OTUD7A: variants seen among roughly 807,000 people sequenced by gnomAD.
The protein encoded by OTUD7A is OTU deubiquitinase 7A.
OTUD7A carries 12 observed loss-of-function variants against 65.7 expected under a neutral mutation model. The ratio of observed to expected loss-of-function variants is 0.18; its 90% CI spans 0.12 to 0.30. The LOEUF (loss-of-function observed/expected upper bound fraction) is 0.30, where lower values mean the gene tolerates loss of function less well. Ranked by LOEUF, OTUD7A falls within the 10% of genes least tolerant of loss-of-function variation. The probability of loss-of-function intolerance (pLI) is 1.00; values close to 1 mark genes in which losing one functional copy is unlikely to be tolerated. For missense variants in OTUD7A, 1,148 were observed against 1,304.8 expected (o/e 0.88, Z 1.85); for synonymous variants, 641 against 586.3 (o/e 1.09, Z -1.35).
intron 5 of OTUD7A, among the ~76,000 whole-genome samples, chr15:31,542,418 G>C (rs1466668961): frequency 1.2e-4 from 18 of 152,022 alleles, no homozygotes. Flanking sequence ...TTTAATATCA[G>C]GTTGGACACT....
At chr15:31,489,963 G>T (rs1595553559) in intron 10 of OTUD7A, among the ~76,000 whole-genome samples, 4 of 152,362 alleles carry the variant, frequency 2.6e-5, no homozygotes, top group African/African-American at 9.6e-5. Flanking sequence ...GTACTGAGAG[G>T]CTCTACGGAC....
intron 1 of OTUD7A, among the ~76,000 whole-genome samples, chr15:31,763,058 G>A (rs978047702): frequency 2.6e-5 from 4 of 152,150 alleles, no homozygotes; most frequent in African/African-American, 4.8e-5. Flanking sequence ...TGAGGCAGGC[G>A]GATCACCTGA....
intron 3 of OTUD7A, among the ~76,000 whole-genome samples, chr15:31,639,424 T>C (rs35342826): frequency 0.24 from 33,258 of 136,846 alleles, 5,102 homozygotes; most frequent in African/African-American, 0.41. Context: ...CTGTGATGGG[T>C]ATTTAGGTTG....
At position 31,564,387 on chromosome 15, in the gene OTUD7A, G is replaced by GTTT. The variant is rs398026753; in HGVS notation, c.332-5203_332-5201dup. On this transcript the variant is annotated intron_variant, in intron 4 of 12. Transcript: ENST00000307050. Reference sequence around the variant, plus strand: ...TTTTTGGAAGTAGTCTTTGAGGAAGGTTTTTTTTTTTTTAGCAAAAGAGAA... The same window carrying GTTT: ...TTTTTGGAAGTAGTCTTTGAGGAAGGTTTTTTTTTTTTTTTTAGCAAAAGAGAA... Among the ~76,000 whole-genome samples the GTTT allele has an allele frequency of 6.7e-5, 8 of 119,926 alleles. 1 individual carries two copies. Among genetic ancestry groups the GTTT allele is most frequent in the East Asian group, 5.2e-4 (2 of 3,850 alleles). 78.7% of individuals were successfully genotyped at this position (119,926 alleles called of 152,430 possible). A position where few individuals can be genotyped will look rare whatever the true frequency, so the allele number is the denominator to read the frequency against.
At chr15:31,764,985 T>C (rs146881168) in intron 1 of OTUD7A, among the ~76,000 whole-genome samples, 1,690 of 152,310 alleles carry the variant, frequency 0.011, 12 homozygotes, top group South Asian at 0.019. Context: ...GAAGAGATTA[T>C]ATGTTTTATT....
At chr15:31,493,913 C>G (rs1189855596) in intron 10 of OTUD7A, among the ~76,000 whole-genome samples, 2 of 152,162 alleles carry the variant, frequency 1.3e-5, no homozygotes, top group Non-Finnish European at 2.9e-5. Context: ...AAAACAGTCT[C>G]AAATTAGTAA....
At chr15:31,577,929 C>G (rs1432295923) in intron 3 of OTUD7A, among the ~76,000 whole-genome samples, 1 of 151,888 alleles carries the variant, frequency 6.6e-6, no homozygotes, top group East Asian at 1.9e-4. Context: ...CAGAGAAACT[C>G]TGAAAAGTAA....
chr15:31,513,839 A>G (rs1595572476), intron 8 of OTUD7A, among the ~76,000 whole-genome samples: 2 of 152,172 alleles, frequency 1.3e-5, no homozygotes, highest in Non-Finnish European at 1.5e-5. Context: ...ACTTGAACCT[A>G]TGCAAATACT....
chr15:31,585,242 T>C (rs1023889186), intron 3 of OTUD7A, among the ~76,000 whole-genome samples: 2 of 152,226 alleles, frequency 1.3e-5, no homozygotes, highest in African/African-American at 4.8e-5. Context: ...CATTCTCCTC[T>C]GCGTAATTTG....
intron 4 of OTUD7A, among the ~76,000 whole-genome samples, chr15:31,564,253 G>T (rs2141165013): frequency 6.6e-6 from 1 of 152,172 alleles, no homozygotes; most frequent in East Asian, 1.9e-4. Context: ...GGTGTTCAAA[G>T]AAAATAATTT....
intron 6 of OTUD7A, among the ~76,000 whole-genome samples, chr15:31,529,181 G>A (rs558896560): frequency 6.6e-6 from 1 of 152,194 alleles, no homozygotes; most frequent in African/African-American, 2.4e-5. Context: ...TCACAATGAG[G>A]CTGCTGTTTG....
At chr15:31,495,185 A>C (rs936592668) in intron 10 of OTUD7A, among the ~76,000 whole-genome samples, 14 of 152,280 alleles carry the variant, frequency 9.2e-5, no homozygotes, top group African/African-American at 3.4e-4. Flanking sequence ...ACCCTCAGCC[A>C]GTTCTTTCCG....
At position 31,507,271 on chromosome 15, in the gene OTUD7A, A is replaced by G. The variant is rs62004071; in HGVS notation, c.894-3453T>C. On this transcript the variant is annotated intron_variant, in intron 8 of 12. Transcript: ENST00000307050. ...GTAGGTTTAGAGTTAGTTAAGGTGG[A>G]GGTGGTGACAGAAGGACAGGGTTAT... 6.4e-3 allele frequency among the ~76,000 whole-genome samples: 977 copies of G among 152,290 alleles called. 6 individuals are homozygous for G. The highest frequency in any genetic ancestry group is 0.011 in the Admixed American group (162 of 15,298).
At chr15:31,516,380 C>T (rs74010686) in intron 8 of OTUD7A, among the ~76,000 whole-genome samples, 6,901 of 152,210 alleles carry the variant, frequency 0.045, 525 homozygotes, top group African/African-American at 0.16. Flanking sequence ...GCAACTGAAA[C>T]CTGCTCAGTG....
intron 1 of OTUD7A, among the ~76,000 whole-genome samples, chr15:31,673,473 T>C (rs1892529644): frequency 6.6e-6 from 1 of 152,210 alleles, no homozygotes; most frequent in Non-Finnish European, 1.5e-5. Flanking sequence ...ACAGAGATTA[T>C]CTCATCCCTG....
At chr15:31,494,938 G>A (rs192529119) in intron 10 of OTUD7A, among the ~76,000 whole-genome samples, 48 of 152,362 alleles carry the variant, frequency 3.2e-4, no homozygotes, top group African/African-American at 1.0e-3. Flanking sequence ...TGGCCAGATG[G>A]AGGAAACTGC....
rs376069043 is a variant in OTUD7A, at chr15:31,612,336, C to T, written c.152-42139G>A. ...AGAAAGAAATAAAAGGCATCCAAAT[C>T]GGTGATGAGGAAGTCAAACTGTCAA... On this transcript the variant is annotated intron_variant, in intron 3 of 12. Coordinates refer to ENST00000307050, the MANE Select transcript of OTUD7A (RefSeq NM_001382637.1). Among the ~76,000 whole-genome samples, 11 of 152,204 alleles carry T rather than the reference C, an allele frequency of 7.2e-5. No homozygotes were observed. In the East Asian group the frequency reaches 1.5e-3, roughly 21 times the overall value.
Position 31,701,533 on chromosome 15 carries a change from A to G in OTUD7A, c.-99-44456T>C, listed in dbSNP as rs549346267. ...ATGGTAATATTATGAACAATTCTAC[A>G]TATATAAATTTAGCAACTTAGATGA... On this transcript the variant is annotated intron_variant, in intron 1 of 12. Transcript: ENST00000307050. Among the ~76,000 whole-genome samples, 4 of 152,140 alleles carry G rather than the reference A, an allele frequency of 2.6e-5. No individual in the cohort carries two copies. In the East Asian group the frequency reaches 7.7e-4, roughly 29 times the overall value.
intron 3 of OTUD7A, among the ~76,000 whole-genome samples, chr15:31,624,532 C>T (rs1397549634): frequency 2.6e-5 from 4 of 151,936 alleles, no homozygotes; most frequent in African/African-American, 4.8e-5. Flanking sequence ...CAAATCTAGT[C>T]CTCAAAAGTA....
Sources: allele counts gnomAD v4.1 joint callset (sites outside exome capture counted in the v4.1 genomes callset), GRCh38; gene constraint gnomAD v4.1.1; transcripts MANE v1.5; gene names NCBI Gene and HGNC (gene_info 2026-07-23, HGNC 2026-07-21).